SAMD4A: variants seen among roughly 807,000 people sequenced by gnomAD.
SAMD4A encodes the protein sterile alpha motif domain containing 4A.
Under a neutral mutation model 81.3 loss-of-function variants are expected in SAMD4A, and 33 were observed. The observed-to-expected ratio is 0.41, with a 90% confidence interval of 0.31 to 0.54. The LOEUF (loss-of-function observed/expected upper bound fraction) is 0.54. SAMD4A is among the 20% of genes least tolerant of loss of function. SAMD4A has a pLI of 0.37. For missense variants in SAMD4A, 854 were observed against 951.1 expected (o/e 0.90, Z 1.34); for synonymous variants, 389 against 382.1 (o/e 1.02, Z -0.21).
At chr14:54,638,187 C>T (rs911823172) in intron 2 of SAMD4A, among the ~76,000 whole-genome samples, 15 of 152,322 alleles carry the variant, frequency 9.8e-5, no homozygotes, top group African/African-American at 3.4e-4. Context: ...GCAAGTCACA[C>T]AGTAGATGCC....
At chr14:54,719,942 T>G (rs995313367) in intron 3 of SAMD4A, among the ~76,000 whole-genome samples, 3 of 152,238 alleles carry the variant, frequency 2.0e-5, no homozygotes, top group Non-Finnish European at 4.4e-5. Flanking sequence ...GAAAATTTTC[T>G]TGAATTTTCA....
chr14:54,660,005 C>T (rs1488152586), intron 2 of SAMD4A, among the ~76,000 whole-genome samples: 6 of 151,754 alleles, frequency 4.0e-5, no homozygotes, highest in African/African-American at 1.2e-4. Context: ...TGCGTGAACC[C>T]GGGAGGCGGA....
rs140020830 is a variant in SAMD4A, at chr14:54,772,710, C to T, written c.1716-2224C>T. ...CCAACCAAAAAGGAAAGTGAGAAAA[C>T]GCTATCCACGCTAAATAAGGAAAAA... is the stretch of plus-strand genomic sequence containing the variant. On this transcript the variant is annotated intron_variant, in intron 9 of 12. Transcript: ENST00000554335. Among the ~76,000 whole-genome samples, 462 of 152,144 alleles carry T rather than the reference C, an allele frequency of 3.0e-3. 5 individuals are homozygous for T. The highest frequency in any genetic ancestry group is 8.0e-3 in the African/African-American group (332 of 41,508).
chr14:54,758,468 A>G (rs17127903), intron 6 of SAMD4A, among the ~76,000 whole-genome samples: 13,844 of 152,292 alleles, frequency 0.091, 797 homozygotes, highest in Middle Eastern at 0.17. Flanking sequence ...AGATGACCCC[A>G]GGAATGGATT....
intron 6 of SAMD4A, among the ~76,000 whole-genome samples, chr14:54,757,383 TTGTGTGTGTGTGTG>T (rs3051653): frequency 2.5e-4 from 35 of 140,156 alleles, no homozygotes; most frequent in East Asian, 1.1e-3. Context: ...GTTTCTTTAT[TTGTGTGTGTGTGTG>T]TGTGTGTGTG....
intron 8 of SAMD4A, among the ~76,000 whole-genome samples, chr14:54,765,829 C>T (rs1018412084): frequency 6.6e-5 from 10 of 151,520 alleles, no homozygotes; most frequent in African/African-American, 2.4e-4. Context: ...CCCTCACCCA[C>T]TACCCACACT....
intron 2 of SAMD4A, among the ~76,000 whole-genome samples, chr14:54,638,880 T>C (rs1167429030): frequency 2.0e-5 from 3 of 152,222 alleles, no homozygotes; most frequent in African/African-American, 4.8e-5. Flanking sequence ...CGGCAGTTAG[T>C]GCTATTTTAA....
intron 2 of SAMD4A, among the ~76,000 whole-genome samples, chr14:54,680,272 C>CT (rs1430133592): frequency 1.3e-5 from 2 of 152,230 alleles, no homozygotes; most frequent in Non-Finnish European, 2.9e-5. Context: ...AAAAAAGTCA[C>CT]TGCTCAGAAA....
chr14:54,676,055 C>T (rs1180235805), intron 2 of SAMD4A, among the ~76,000 whole-genome samples: 1 of 151,976 alleles, frequency 6.6e-6, no homozygotes. Flanking sequence ...GAGGCCAAAT[C>T]CAAAAAAAGA....
intron 2 of SAMD4A, among the ~76,000 whole-genome samples, chr14:54,661,884 G>A (rs1427819600): frequency 6.6e-6 from 1 of 152,162 alleles, no homozygotes; most frequent in Non-Finnish European, 1.5e-5. Context: ...ACTCACAGGT[G>A]TGCAGGCTAG....
chr14:54,770,004 CA>C, intron 8 of SAMD4A, 99 bp from the exon 9 acceptor site: 1 of 746,226 alleles, frequency 1.3e-6, no homozygotes, highest in Non-Finnish European at 2.3e-6. Flanking sequence ...GAAGAAAAGG[CA>C]ACTGCAGAGA....
chr14:54,719,662 A>G (rs1319923517), intron 3 of SAMD4A, among the ~76,000 whole-genome samples: 1 of 152,170 alleles, frequency 6.6e-6, no homozygotes, highest in African/African-American at 2.4e-5. Context: ...CAGAGCACAC[A>G]TGGTGGCGTG....
At chr14:54,600,441 G>T (rs2034023200) in intron 2 of SAMD4A, among the ~76,000 whole-genome samples, 1 of 152,112 alleles carries the variant, frequency 6.6e-6, no homozygotes, top group African/African-American at 2.4e-5. Flanking sequence ...TGACCCAGCT[G>T]CTTGGAATTC....
chr14:54,765,360 C>G (rs58400628), intron 8 of SAMD4A, among the ~76,000 whole-genome samples: 1 of 151,732 alleles, frequency 6.6e-6, no homozygotes, highest in Non-Finnish European at 1.5e-5. Flanking sequence ...TGGTGGGTCA[C>G]ACCTGTAATC....
At chr14:54,671,409 G>A (rs1241237058) in intron 2 of SAMD4A, among the ~76,000 whole-genome samples, 1 of 152,232 alleles carries the variant, frequency 6.6e-6, no homozygotes, top group Non-Finnish European at 1.5e-5. Flanking sequence ...TAAGGATTAA[G>A]TGAGATATGG....
intron 3 of SAMD4A, among the ~76,000 whole-genome samples, chr14:54,706,031 G>A (rs774811862): frequency 6.6e-6 from 1 of 152,054 alleles, no homozygotes; most frequent in African/African-American, 2.4e-5. Context: ...AGAATGGAGA[G>A]ATCCTTGTGA....
At chr14:54,785,283 C>A (rs542367971) in intron 12 of SAMD4A, among the ~76,000 whole-genome samples, 2 of 152,364 alleles carry the variant, frequency 1.3e-5, no homozygotes, top group Non-Finnish European at 2.9e-5. Context: ...AAGCAGCTCA[C>A]AGAAGCATCT....
intron 2 of SAMD4A, among the ~76,000 whole-genome samples, chr14:54,579,494 CAAA>C (rs2033403464): frequency 6.6e-6 from 1 of 152,096 alleles, no homozygotes; most frequent in African/African-American, 2.4e-5. Flanking sequence ...GGCAATTGAA[CAAA>C]AAACATGTAT....
chr14:54,741,480 C>T (rs1175101104), intron 4 of SAMD4A, among the ~76,000 whole-genome samples: 2 of 152,198 alleles, frequency 1.3e-5, no homozygotes, highest in African/African-American at 4.8e-5. Flanking sequence ...TTACTTTTGT[C>T]CTCATTCAAG....
Sources: allele counts gnomAD v4.1 joint callset (sites outside exome capture counted in the v4.1 genomes callset), GRCh38; gene constraint gnomAD v4.1.1; transcripts MANE v1.5; gene names NCBI Gene and HGNC (gene_info 2026-07-23, HGNC 2026-07-21).